USH2A: variants seen among roughly 807,000 people sequenced by gnomAD.
USH2A encodes usherin.
Under a neutral mutation model 538.9 loss-of-function variants are expected in USH2A, and 443 were observed. The observed-to-expected ratio is 0.82, with a 90% CI of 0.76 to 0.89. The LOEUF (loss-of-function observed/expected upper bound fraction) is 0.89. Among genes scored for constraint, USH2A ranks in the 40% least tolerant of loss-of-function variants. USH2A has a pLI of 0.00. For synonymous variants in USH2A, 2,413 were observed against 2,273.5 expected (o/e 1.06, Z -1.75); for missense variants, 6,633 against 6,324.8 (o/e 1.05, Z -1.65).
intron 26 of USH2A, among the ~76,000 whole-genome samples, chr1:216,081,075 T>C (rs982156877): frequency 1.3e-5 from 2 of 152,150 alleles, no homozygotes; most frequent in African/African-American, 4.8e-5. Context: ...CATACCCGTA[T>C]TAGTTTTCCT....
chr1:215,775,045 G>A (rs1661421889), intron 55 of USH2A, among the ~76,000 whole-genome samples: 1 of 151,940 alleles, frequency 6.6e-6, no homozygotes, highest in African/African-American at 2.4e-5. Context: ...GTAACTGGGG[G>A]GAATGCAGCC....
intron 56 of USH2A, among the ~76,000 whole-genome samples, chr1:215,765,878 C>T (rs1260093245): frequency 6.6e-6 from 1 of 152,090 alleles, no homozygotes; most frequent in Non-Finnish European, 1.5e-5. Context: ...AGCAATTCTA[C>T]TCACAAACAT....
chr1:215,710,683 C>G (rs1370730973), intron 61 of USH2A, among the ~76,000 whole-genome samples: 1 of 152,094 alleles, frequency 6.6e-6, no homozygotes, highest in African/African-American at 2.4e-5. Flanking sequence ...GAAACATTTA[C>G]AGCTGAAACA....
chr1:216,236,563 T>C (rs2035821333), intron 13 of USH2A, among the ~76,000 whole-genome samples: 1 of 152,188 alleles, frequency 6.6e-6, no homozygotes, highest in Non-Finnish European at 1.5e-5. Context: ...AATGGGTGGA[T>C]AGATGGATAA....
At chr1:215,890,275 T>C (rs1014294063) in intron 40 of USH2A, among the ~76,000 whole-genome samples, 1 of 152,244 alleles carries the variant, frequency 6.6e-6, no homozygotes, top group African/African-American at 2.4e-5. Flanking sequence ...TACTTGGATT[T>C]AGTAATTGTT....
At chr1:215,917,833 C>T (rs1665999781) in intron 38 of USH2A, among the ~76,000 whole-genome samples, 1 of 147,804 alleles carries the variant, frequency 6.8e-6, no homozygotes, top group South Asian at 2.2e-4. Context: ...TGTGGTGGTG[C>T]ATGCCTGTAT....
intron 30 of USH2A, among the ~76,000 whole-genome samples, chr1:216,052,443 T>C (rs2030822815): frequency 6.6e-6 from 1 of 152,058 alleles, no homozygotes; most frequent in Non-Finnish European, 1.5e-5. Flanking sequence ...TGGAAGGTTT[T>C]AGATGGCTTG....
At position 215,757,957 on chromosome 1, in the gene USH2A, G is replaced by A. The variant is rs188757018; in HGVS notation, c.11389+638C>T. Among the ~76,000 whole-genome samples, 244 of 152,264 alleles carry A rather than the reference G, an allele frequency of 1.6e-3. No homozygotes were observed. In the Middle Eastern group the frequency reaches 0.02, roughly 13 times the overall value. ...GAGTCCCATGGAAATGAATGTTCAA[G>A]GTAATTCTGACCTATATGACTTGCA... On this transcript the variant is annotated intron_variant, in intron 58 of 71. Transcript: ENST00000307340.
intron 61 of USH2A, among the ~76,000 whole-genome samples, chr1:215,683,021 G>T (rs1168732974): frequency 1.3e-5 from 2 of 151,912 alleles, no homozygotes; most frequent in African/African-American, 4.8e-5. Context: ...ACCGTGTGTG[G>T]CTAATTAAAA....
chr1:215,711,341 T>G (rs1047617964), intron 61 of USH2A, among the ~76,000 whole-genome samples: 2 of 152,184 alleles, frequency 1.3e-5, no homozygotes, highest in African/African-American at 2.4e-5. Context: ...GCACAGTGCT[T>G]GTTGTAAAAA....
Position 216,377,870 on chromosome 1 carries a change from GGAAA to G in USH2A, c.652-12789_652-12786del, listed in dbSNP as rs200216034. On this transcript the variant is annotated intron_variant, in intron 3 of 71. Coordinates refer to ENST00000307340, the MANE Select transcript of USH2A (RefSeq NM_206933.4). ...AAGAAAGAAAGAAAGAAAGAAAGAA[GGAAA>G]GAAAGAAAGGAAGGAAGGAAGAAAG... Among the ~76,000 whole-genome samples, 383 of 97,392 alleles carry G rather than the reference GGAAA, an allele frequency of 3.9e-3. 3 individuals are homozygous for G. Among genetic ancestry groups the G allele is most frequent in the African/African-American group, 9.6e-3 (231 of 23,944 alleles). The allele number at this position is 97,392 out of a possible 152,430, so 63.9% of individuals were successfully genotyped here.
chr1:215,674,043 G>A (rs1176122111), intron 63 of USH2A, 57 bp downstream of exon 63: 1 of 1,613,064 alleles, frequency 6.2e-7, no homozygotes, highest in East Asian at 2.2e-5. Flanking sequence ...CAAGGGCTCA[G>A]GCAATAGAAA....
chr1:216,311,532 T>C (rs1297376977), intron 9 of USH2A, among the ~76,000 whole-genome samples: 1 of 152,104 alleles, frequency 6.6e-6, no homozygotes, highest in Non-Finnish European at 1.5e-5. Context: ...CAATTTCTGG[T>C]GATAATCTCA....
In USH2A at chr1:215,780,153, C is replaced by T. The variant is rs183204514; in HGVS notation, c.10741-112G>A. 2.4e-4 allele frequency: 285 copies of T among 1,206,062 alleles called. 2 individuals carry two copies. In the Admixed American group the frequency reaches 5.3e-3, roughly 23 times the overall value. The allele number at this position is 1,206,062 out of a possible 1,614,324, so 74.7% of individuals were successfully genotyped here. A position where few individuals can be genotyped will look rare whatever the true frequency, so the allele number is the denominator to read the frequency against. ...GTTGTCTGGCCTGGCATATCATTAG[C>T]AGGGGCTTGGAGAAGCATTTCCCTT... On this transcript the variant is annotated intron_variant, in intron 54 of 71. Coordinates refer to ENST00000307340, the MANE Select transcript of USH2A (RefSeq NM_206933.4).
At chr1:215,705,436 G>C (rs1218473517) in intron 61 of USH2A, among the ~76,000 whole-genome samples, 2 of 152,210 alleles carry the variant, frequency 1.3e-5, no homozygotes, top group African/African-American at 2.4e-5. Flanking sequence ...GAAGTGACGA[G>C]AGTTTGTGCA....
chr1:215,973,967 C>A (rs1249383416), intron 35 of USH2A, among the ~76,000 whole-genome samples: 1 of 150,960 alleles, frequency 6.6e-6, no homozygotes, highest in African/African-American at 2.5e-5. Context: ...CACACACACA[C>A]ACAAACACAG....
chr1:216,301,418 T>G (rs997479958), intron 9 of USH2A, among the ~76,000 whole-genome samples: 2 of 152,182 alleles, frequency 1.3e-5, no homozygotes, highest in African/African-American at 4.8e-5. Flanking sequence ...TAGAACATAG[T>G]AGGTACTCAA....
At chr1:215,969,971 T>C (rs1039215172) in intron 36 of USH2A, among the ~76,000 whole-genome samples, 4 of 152,134 alleles carry the variant, frequency 2.6e-5, no homozygotes, top group Non-Finnish European at 4.4e-5. Context: ...GTCCTGCTAG[T>C]TTATGATAAT....
rs996761902 is a variant in USH2A at position 215,900,275 on chromosome 1, A to C, written c.7452-58T>G. On this transcript the variant is annotated intron_variant, in intron 39 of 71. Coordinates refer to ENST00000307340, the MANE Select transcript of USH2A (RefSeq NM_206933.4). ...TTCGACATTCAAAGAAATAAAAGCA[A>C]GTAAATTTCTTACTACAAAAAAATT... is the stretch of plus-strand genomic sequence containing the variant. 77 of 1,594,186 alleles carry C rather than the reference A, an allele frequency of 4.8e-5. No individual in the cohort carries two copies. The Admixed American group carries it at 1.3e-3, about 27-fold the overall frequency.
Sources: allele counts gnomAD v4.1 joint callset (sites outside exome capture counted in the v4.1 genomes callset), GRCh38; gene constraint gnomAD v4.1.1; transcripts MANE v1.5; gene names NCBI Gene and HGNC (gene_info 2026-07-23, HGNC 2026-07-21).